PLD5: variants seen among roughly 807,000 people sequenced by gnomAD.
PLD5 encodes the protein inactive phospholipase D5.
In PLD5, 36 loss-of-function variants were observed where a neutral mutation model predicts 61.1. The ratio of observed to expected loss-of-function variants is 0.59; its 90% CI spans 0.45 to 0.78. PLD5 has a LOEUF of 0.78. Ranked by LOEUF, PLD5 falls within the 30% of genes least tolerant of loss-of-function variation. PLD5 has a pLI of 0.00. For synonymous variants in PLD5, 243 were observed against 242.8 expected (o/e 1.00, Z -0.01); for missense variants, 515 against 644.4 (o/e 0.80, Z 2.17).
intron 1 of PLD5, among the ~76,000 whole-genome samples, chr1:242,401,005 C>G (rs1395907590): frequency 6.6e-6 from 1 of 152,152 alleles, no homozygotes; most frequent in Non-Finnish European, 1.5e-5. Flanking sequence ...GTTCTAACTG[C>G]CCACTGAACA....
intron 2 of PLD5, among the ~76,000 whole-genome samples, chr1:242,331,076 C>T (rs1258064470): frequency 1.3e-5 from 2 of 152,154 alleles, no homozygotes; most frequent in Non-Finnish European, 2.9e-5. Context: ...GTCAGATATG[C>T]TATTTCCACA....
At chr1:242,101,137 A>G (rs554207569) in intron 8 of PLD5, among the ~76,000 whole-genome samples, 1 of 152,330 alleles carries the variant, frequency 6.6e-6, no homozygotes, top group South Asian at 2.1e-4. Flanking sequence ...CTTTCTGCCA[A>G]GCATGGCAAT....
chr1:242,171,634 A>G (rs537747748), intron 5 of PLD5, among the ~76,000 whole-genome samples: 27 of 152,208 alleles, frequency 1.8e-4, no homozygotes, highest in Admixed American at 1.5e-3. Flanking sequence ...AGTGTGCTGT[A>G]TTCAGGAGAC....
At chr1:242,243,095 A>G (rs1324966604) in intron 4 of PLD5, among the ~76,000 whole-genome samples, 1 of 152,246 alleles carries the variant, frequency 6.6e-6, no homozygotes, top group Non-Finnish European at 1.5e-5. Context: ...TAAGGAAAGG[A>G]GGCATCTGGG....
chr1:242,167,543 A>T (rs1666419351), intron 5 of PLD5, among the ~76,000 whole-genome samples: 1 of 152,180 alleles, frequency 6.6e-6, no homozygotes, highest in Non-Finnish European at 1.5e-5. Context: ...ACAATTCAAG[A>T]TGAGATTTGG....
At chr1:242,247,330 G>A (rs1246326364) in intron 4 of PLD5, among the ~76,000 whole-genome samples, 2 of 152,192 alleles carry the variant, frequency 1.3e-5, no homozygotes, top group Non-Finnish European at 2.9e-5. Context: ...AGCTTTGTGT[G>A]AAACCTTGAC....
At chr1:242,489,209 G>GT (rs943650407) in intron 1 of PLD5, among the ~76,000 whole-genome samples, 3 of 152,036 alleles carry the variant, frequency 2.0e-5, no homozygotes, top group East Asian at 1.9e-4. Flanking sequence ...CTGGGAAAGG[G>GT]TTTTTTTCAG....
At position 242,290,503 on chromosome 1, in the gene PLD5, A is replaced by T. The variant is rs1195091930; in HGVS notation, c.327-1973T>A. Among the ~76,000 whole-genome samples the T allele has an allele frequency of 3.3e-5, 5 of 152,070 alleles. No individual in the cohort carries two copies. The East Asian group carries it at 7.7e-4, about 23-fold the overall frequency. On this transcript the variant is annotated intron_variant, in intron 2 of 9. Transcript: ENST00000536534. The stretch of plus-strand genomic sequence containing the variant: ...ACAGTGCAGAGGCTGTGATCAAGGG[A>T]GAAGAGTTTGGACTTAATTTTGTCG...
intron 1 of PLD5, among the ~76,000 whole-genome samples, chr1:242,394,316 GTATATATGAGTATATATGTGTGTA>G (rs1663233213): frequency 5.5e-5 from 3 of 54,854 alleles, no homozygotes; most frequent in African/African-American, 1.3e-4. Flanking sequence ...ATATATGTGT[GTATATATGAGTATATATGTGTGTA>G]TATATGAGTA....
chr1:242,203,585 CTGAT>C (rs1669129513), intron 5 of PLD5: 1 of 152,272 alleles, frequency 6.6e-6, no homozygotes, highest in African/African-American at 2.4e-5. Context: ...CATGCGAGAT[CTGAT>C]TGTTTAAAAG....
chr1:242,432,721 C>G (rs1205363420), intron 1 of PLD5, among the ~76,000 whole-genome samples: 2 of 152,106 alleles, frequency 1.3e-5, no homozygotes, highest in East Asian at 3.9e-4. Flanking sequence ...CATCGCCACC[C>G]TCTTGGGCAT....
chr1:242,439,838 C>T (rs904891390), intron 1 of PLD5, among the ~76,000 whole-genome samples: 2 of 152,106 alleles, frequency 1.3e-5, no homozygotes, highest in Middle Eastern at 3.4e-3. Flanking sequence ...GAGAAGGAAA[C>T]GAAACAAAAC....
intron 5 of PLD5, among the ~76,000 whole-genome samples, chr1:242,142,766 C>G (rs1664269285): frequency 6.6e-6 from 1 of 151,976 alleles, no homozygotes; most frequent in Non-Finnish European, 1.5e-5. Flanking sequence ...CTCTGTCTCT[C>G]TGTCTGACAG....
intron 3 of PLD5, among the ~76,000 whole-genome samples, chr1:242,265,657 G>T (rs956162413): frequency 6.6e-6 from 1 of 152,134 alleles, no homozygotes; most frequent in African/African-American, 2.4e-5. Context: ...CACTTTTTGG[G>T]GGGTATTGTG....
chr1:242,115,485 G>T (rs1166104995), intron 6 of PLD5, among the ~76,000 whole-genome samples: 1 of 151,944 alleles, frequency 6.6e-6, no homozygotes, highest in African/African-American at 2.4e-5. Flanking sequence ...CTTCTTTTCG[G>T]AGGAGCACTC....
intron 1 of PLD5, among the ~76,000 whole-genome samples, chr1:242,490,986 C>A (rs888747947): frequency 2.0e-5 from 3 of 152,180 alleles, no homozygotes; most frequent in Non-Finnish European, 2.9e-5. Flanking sequence ...TGTTTCCCCC[C>A]ACATATACCT....
chr1:242,213,895 C>T (rs1343582969), intron 5 of PLD5, among the ~76,000 whole-genome samples: 1 of 150,746 alleles, frequency 6.6e-6, no homozygotes, highest in African/African-American at 2.4e-5. Flanking sequence ...GGGACTAAAA[C>T]ACTCTCTCCC....
chr1:242,509,753 A>G (rs1430023647), intron 1 of PLD5, among the ~76,000 whole-genome samples: 1 of 152,188 alleles, frequency 6.6e-6, no homozygotes, highest in Non-Finnish European at 1.5e-5. Context: ...GGATACACTT[A>G]TGAATAAGCC....
chr1:242,255,012 C>CT (rs1672936305), intron 4 of PLD5, among the ~76,000 whole-genome samples: 1 of 152,160 alleles, frequency 6.6e-6, no homozygotes, highest in Non-Finnish European at 1.5e-5. Context: ...GTGGCATTCG[C>CT]TTTGAGAAGG....
Sources: gnomAD v4.1 joint callset for allele counts (sites outside exome capture counted in the v4.1 genomes callset) on GRCh38, gnomAD v4.1.1 for gene constraint, MANE v1.5 for transcripts, NCBI Gene and HGNC (gene_info 2026-07-23, HGNC 2026-07-21) for gene names.